The following SARDH variants were observed in gnomAD, a reference collection of about 807,000 sequenced individuals.
The protein encoded by SARDH is sarcosine dehydrogenase, also known as sarcosine dehydrogenase, mitochondrial.
Under a neutral mutation model 109.1 loss-of-function variants are expected in SARDH, and 95 were observed. The ratio of observed to expected loss-of-function variants is 0.87; its 90% CI spans 0.74 to 1.03. SARDH has a LOEUF of 1.03. SARDH is among the 50% of genes least tolerant of loss of function. The pLI is 0.00. For synonymous variants in SARDH, 572 were observed against 534.8 expected, an observed-to-expected ratio of 1.07 and a Z score of -0.96; for missense variants, 1,267 against 1,287.8, an observed-to-expected ratio of 0.98 and a Z score of 0.25.
At chr9:133,670,486 T>C in intron 19 of SARDH, 98 bp downstream of exon 19, 2 of 1,305,190 alleles carry the variant, frequency 1.5e-6, no homozygotes, top group Non-Finnish European at 1.1e-6. Context: ...ATGGGAAGTG[T>C]TGGTACCAGG....
At chr9:133,730,473 A>T (rs372963604) in intron 4 of SARDH, among the ~76,000 whole-genome samples, 32 of 128,304 alleles carry the variant, frequency 2.5e-4, no homozygotes, top group East Asian at 9.4e-4. Flanking sequence ...TTTTTTTTAA[A>T]AAAAAAAAGC....
chr9:133,666,381 C>T lies in SARDH; in HGVS notation c.2631+354G>A, dbSNP rs1268336805. On this transcript the variant is annotated intron_variant, in intron 20 of 20. Transcript: ENST00000439388. The surrounding 1 kb of genome is among the most constrained non-coding windows in gnomAD (Gnocchi z 5.2). ...CTTCTAACCAAAAAAAGCCTGGAAT[C>T]ACCAAAGTCGGATTCTTCCAGAAAG... Among the ~76,000 whole-genome samples the T allele has an allele frequency of 6.6e-6, 1 of 152,178 alleles. No homozygotes were observed. The highest frequency in any genetic ancestry group is 1.5e-5 in the Non-Finnish European group (1 of 68,028).
At chr9:133,735,509 G>C (rs1221592337) in intron 1 of SARDH, among the ~76,000 whole-genome samples, 1 of 152,250 alleles carries the variant, frequency 6.6e-6, no homozygotes, top group East Asian at 1.9e-4. Flanking sequence ...AGGCAGGACA[G>C]GCAGTCAAAG....
intron 1 of SARDH, among the ~76,000 whole-genome samples, chr9:133,736,461 T>C (rs1308802695): frequency 1.3e-5 from 2 of 152,176 alleles, no homozygotes; most frequent in African/African-American, 2.4e-5. Context: ...AGTGGCATGA[T>C]CTTGGCTCAC....
At chr9:133,691,169 AACAC>A (rs3081171) in intron 15 of SARDH, among the ~76,000 whole-genome samples, 4,170 of 112,112 alleles carry the variant, frequency 0.037, 137 homozygotes, top group South Asian at 0.11. Context: ...CACCTCCCCC[AACAC>A]ACACACACAC....
chr9:133,690,144 A>G (rs1272530148), intron 16 of SARDH, among the ~76,000 whole-genome samples: 2 of 152,140 alleles, frequency 1.3e-5, no homozygotes, highest in African/African-American at 4.8e-5. Flanking sequence ...CCCCTCTGGG[A>G]TCCTGGGGTC....
At chr9:133,675,042 C>T (rs1830469552) in intron 17 of SARDH, among the ~76,000 whole-genome samples, 1 of 152,140 alleles carries the variant, frequency 6.6e-6, no homozygotes, top group African/African-American at 2.4e-5. Context: ...TCAAATACCA[C>T]CATTAAAAAT....
chr9:133,701,321 C>CT (rs1371217550), intron 13 of SARDH, among the ~76,000 whole-genome samples: 12 of 152,266 alleles, frequency 7.9e-5, no homozygotes, highest in African/African-American at 2.9e-4. Flanking sequence ...CATCTGCCTC[C>CT]TGAGCTCTCC....
intron 17 of SARDH, among the ~76,000 whole-genome samples, chr9:133,684,590 C>T (rs999622280): frequency 6.6e-6 from 1 of 152,144 alleles, no homozygotes; most frequent in Non-Finnish European, 1.5e-5. Flanking sequence ...AGGGAGCCTC[C>T]TGCCTGGGGC....
At chr9:133,681,465 G>A (rs1830692032) in intron 17 of SARDH, among the ~76,000 whole-genome samples, 1 of 152,190 alleles carries the variant, frequency 6.6e-6, no homozygotes, top group African/African-American at 2.4e-5. Context: ...CCCTGCCTAG[G>A]ACCTCTTTCC....
chr9:133,735,361 C>T (rs562951609), intron 1 of SARDH, among the ~76,000 whole-genome samples: 5 of 152,302 alleles, frequency 3.3e-5, no homozygotes, highest in Non-Finnish European at 5.9e-5. Flanking sequence ...TGACCCACCC[C>T]GACTCCCTCC....
chr9:133,738,558 C>T (rs182841610), upstream of SARDH, among the ~76,000 whole-genome samples: 1,229 of 152,352 alleles, frequency 8.1e-3, 15 homozygotes, highest in Middle Eastern at 0.014. Context: ...AGTCACCCTT[C>T]CGCTCCAACC....
intron 16 of SARDH, among the ~76,000 whole-genome samples, chr9:133,688,087 T>TG (rs1830949521): frequency 6.6e-6 from 1 of 152,136 alleles, no homozygotes; most frequent in African/African-American, 2.4e-5. Flanking sequence ...CCCCACTCCC[T>TG]GTCCAAGGCT....
Position 133,670,818 on chromosome 9 carries a change from G to A in SARDH, c.2327-66C>T, listed in dbSNP as rs538912015. The A allele has an allele frequency of 4.6e-5, 68 of 1,474,148 alleles. No individual in the cohort carries two copies. In the African/African-American group the frequency reaches 7.7e-4, roughly 17 times the overall value. The allele number at this position is 1,474,148 out of a possible 1,614,324, so 91.3% of individuals were successfully genotyped here. A position where few individuals can be genotyped will look rare whatever the true frequency, so the allele number is the denominator to read the frequency against. ...GGGATAAGCCCTTCAGGAGATGCAT[G>A]AGGATGCTGCCTAAACCCACCCCCT... On this transcript the variant is annotated intron_variant, in intron 18 of 20. Coordinates refer to ENST00000439388, the MANE Select transcript of SARDH (RefSeq NM_001134707.2).
In SARDH at chr9:133,729,834, A is replaced by G; in HGVS notation, c.846T>C (p.Ala282=). The G allele has an allele frequency of 4.3e-6, 7 of 1,612,348 alleles. No individual in the cohort carries two copies. Among genetic ancestry groups the G allele is most frequent in the Non-Finnish European group, 5.9e-6 (7 of 1,180,020 alleles). The change falls in exon 6 of 21, where the codon GCT becomes GCC. Residue 282 remains alanine, a synonymous_variant. Transcript: ENST00000439388. ...TGGCCACCAGCGGGACCTTGACTCC[A>G]GCCATCCGGCCCACAGCACTTGCCC... ...GVWASAVGRM[A]GVKVPLVAMH...
rs1832611858 is a variant in SARDH, at chr9:133,729,803, G to A, written c.877C>T (p.His293Tyr). The change falls in exon 6 of 21, where the codon CAT becomes TAT. Residue 293 changes from histidine to tyrosine, a missense_variant. His to Tyr is a moderately conservative substitution (Grantham distance 83). Coordinates refer to ENST00000439388, the MANE Select transcript of SARDH (RefSeq NM_001134707.2). ...ATGCGCTCGGTGACGACATAGGCATGGTGCATGGCCACCAGCGGGACCTTG... is the reference window on the plus strand; with the variant it reads ...ATGCGCTCGGTGACGACATAGGCATAGTGCATGGCCACCAGCGGGACCTTG... ...GVKVPLVAMHHAYVVTERIEG... is the reference protein window; with the variant it reads ...GVKVPLVAMHYAYVVTERIEG... 1 of 1,612,748 alleles carries A rather than the reference G, an allele frequency of 6.2e-7. No homozygotes were observed. The highest frequency in any genetic ancestry group is 1.3e-5 in the African/African-American group (1 of 74,924).
At chr9:133,738,071 G>A (rs1379970328) in intron 1 of SARDH, among the ~76,000 whole-genome samples, 183 bp downstream of exon 1, 2 of 152,192 alleles carry the variant, frequency 1.3e-5, no homozygotes, top group East Asian at 3.9e-4. Context: ...GACTTGTGGG[G>A]AGGAGCGGCA....
chr9:133,676,060 C>T (rs545957889), intron 17 of SARDH, among the ~76,000 whole-genome samples: 4 of 151,856 alleles, frequency 2.6e-5, no homozygotes, highest in African/African-American at 9.7e-5. Context: ...CGCTGCACTC[C>T]AGCCTGGGTG....
intron 17 of SARDH, 45 bp from the exon 18 acceptor site, chr9:133,671,742 T>G (rs1830359570): frequency 1.3e-6 from 2 of 1,532,062 alleles, no homozygotes; most frequent in Admixed American, 2.0e-5. Context: ...GTAAGATGGC[T>G]GAGGTCCAGG....
Sources: gnomAD v4.1 joint callset for allele counts (sites outside exome capture counted in the v4.1 genomes callset) on GRCh38, gnomAD v4.1.1 for gene constraint, Gnocchi (gnomAD v3.1) non-coding constraint, MANE v1.5 for transcripts, NCBI Gene and HGNC (gene_info 2026-07-23, HGNC 2026-07-21) for gene names.